TNRC6A: variants seen among roughly 807,000 people sequenced by gnomAD.
The protein encoded by TNRC6A is trinucleotide repeat containing adaptor 6A, also known as trinucleotide repeat-containing gene 6A protein.
A neutral mutation model predicts 221.2 loss-of-function variants in TNRC6A; 44 were observed. The observed-to-expected ratio is 0.20, with a 90% confidence interval of 0.16 to 0.26. The LOEUF is 0.26. Among genes scored for constraint, TNRC6A ranks in the 10% least tolerant of loss-of-function variants. TNRC6A has a pLI of 1.00. For synonymous variants in TNRC6A, 847 were observed against 838.5 expected, an observed-to-expected ratio of 1.01 and a Z score of -0.18; for missense variants, 2,199 against 2,404.4, an observed-to-expected ratio of 0.91 and a Z score of 1.79.
At chr16:24,656,483 AG>A (rs2054916683) in intron 2 of TNRC6A, among the ~76,000 whole-genome samples, 4 of 104,046 alleles carry the variant, frequency 3.8e-5, no homozygotes, top group African/African-American at 1.2e-4. Context: ...AAAAAAAAAG[AG>A]AGAGAGAGAG....
At chr16:24,620,740 A>G (rs1900622361) in intron 1 of TNRC6A, among the ~76,000 whole-genome samples, 1 of 151,922 alleles carries the variant, frequency 6.6e-6, no homozygotes, top group Admixed American at 6.6e-5. Context: ...CCGGGGAGGC[A>G]GATGTTGCAG....
chr16:24,804,109 T>C, intron 11 of TNRC6A, 68 bp from the exon 12 acceptor site: 1 of 1,495,334 alleles, frequency 6.7e-7, no homozygotes, highest in East Asian at 2.4e-5. Flanking sequence ...GTTTTGCTTT[T>C]GTTGTAAATT....
intron 1 of TNRC6A, among the ~76,000 whole-genome samples, chr16:24,630,507 A>AAAC (rs1481514619): frequency 1.3e-5 from 2 of 152,158 alleles, no homozygotes; most frequent in African/African-American, 4.8e-5. Context: ...CTACAAAAAC[A>AAAC]AACAACAACA....
At chr16:24,615,318 G>A (rs907894499) in intron 1 of TNRC6A, among the ~76,000 whole-genome samples, 9 of 152,150 alleles carry the variant, frequency 5.9e-5, no homozygotes, top group Non-Finnish European at 1.3e-4. Flanking sequence ...CAACCATTCC[G>A]TGCTGAGCCC....
At chr16:24,815,099 A>G in intron 18 of TNRC6A, 48 bp from the exon 19 acceptor site, 1 of 1,589,330 alleles carries the variant, frequency 6.3e-7, no homozygotes, top group Non-Finnish European at 8.6e-7. Context: ...TAAGAAATAA[A>G]TCTGTGTGTA....
intron 2 of TNRC6A, among the ~76,000 whole-genome samples, chr16:24,720,716 G>GAAAAAAAAAAAAA (rs984845041): frequency 8.2e-6 from 1 of 122,050 alleles, no homozygotes; most frequent in African/African-American, 3.0e-5. Context: ...AAGAAAGAAA[G>GAAAAAAAAAAAAA]AAAAAAAAAA....
chr16:24,680,181 C>A, intron 2 of TNRC6A, among the ~76,000 whole-genome samples: 1 of 151,840 alleles, frequency 6.6e-6, no homozygotes, highest in East Asian at 1.9e-4. Context: ...GTTACCCTAG[C>A]ACTTTGGGAG....
chr16:24,664,809 AC>A (rs1189220883), intron 2 of TNRC6A: 100 of 445,742 alleles, frequency 2.2e-4, no homozygotes, highest in African/African-American at 1.8e-3. Flanking sequence ...ACACACACAC[AC>A]ACAAAACCTA....
intron 3 of TNRC6A, among the ~76,000 whole-genome samples, chr16:24,751,960 T>C (rs2057146736): frequency 6.6e-6 from 1 of 152,206 alleles, no homozygotes; most frequent in Non-Finnish European, 1.5e-5. Flanking sequence ...TCAGAAATAC[T>C]TGGTAGCCTG....
Position 24,713,332 on chromosome 16 carries a change from T to G in TNRC6A, n.403-37394T>G, listed in dbSNP as rs544245190. 7.9e-5 allele frequency among the ~76,000 whole-genome samples: 12 copies of G among 152,078 alleles called. No individual in the cohort carries two copies. In the South Asian group the frequency reaches 2.5e-3, roughly 32 times the overall value. ...ACTCAGACAACTGAAGCACAAGAATTGCCTGAACCTGGGAGGCAGAGGTTG... is the reference window on the plus strand; with the variant it reads ...ACTCAGACAACTGAAGCACAAGAATGGCCTGAACCTGGGAGGCAGAGGTTG... On this transcript the variant is annotated intron_variant and non_coding_transcript_variant, in intron 2 of 2. Coordinates refer to the TNRC6A transcript ENST00000566108.
At chr16:24,677,233 G>A (rs1273415628) in intron 2 of TNRC6A, among the ~76,000 whole-genome samples, 1 of 150,510 alleles carries the variant, frequency 6.6e-6, no homozygotes, top group Non-Finnish European at 1.5e-5. Context: ...TGCAATCCCG[G>A]CTCACTGCAA....
chr16:24,632,115 T>G (rs930063069), intron 1 of TNRC6A, among the ~76,000 whole-genome samples: 1 of 152,162 alleles, frequency 6.6e-6, no homozygotes, highest in Non-Finnish European at 1.5e-5. Context: ...CCTCCCAAAG[T>G]GCTGGGATTA....
At chr16:24,703,277 A>T (rs1177562924) in intron 2 of TNRC6A, among the ~76,000 whole-genome samples, 1 of 152,184 alleles carries the variant, frequency 6.6e-6, no homozygotes. Context: ...GAGACATTTC[A>T]TATAAATGGA....
At chr16:24,632,363 C>T (rs981566903) in intron 1 of TNRC6A, among the ~76,000 whole-genome samples, 2 of 152,266 alleles carry the variant, frequency 1.3e-5, no homozygotes, top group South Asian at 4.1e-4. Context: ...TGAAGAAATT[C>T]CACCACCGTC....
chr16:24,675,153 A>G (rs1365381220), intron 2 of TNRC6A, among the ~76,000 whole-genome samples: 1 of 152,108 alleles, frequency 6.6e-6, no homozygotes, highest in African/African-American at 2.4e-5. Flanking sequence ...TCAAAAAACC[A>G]AAAACATTCT....
At chr16:24,675,702 C>CTCTCTCTA (rs1180245687) in intron 2 of TNRC6A, among the ~76,000 whole-genome samples, 43 of 33,254 alleles carry the variant, frequency 1.3e-3, no homozygotes, top group Non-Finnish European at 1.6e-3. Context: ...CTCTCTCTCT[C>CTCTCTCTA]TATATATATA....
At chr16:24,818,009 A>G (rs2058689067) in intron 20 of TNRC6A, among the ~76,000 whole-genome samples, 1 of 152,182 alleles carries the variant, frequency 6.6e-6, no homozygotes, top group Non-Finnish European at 1.5e-5. Flanking sequence ...AGCAGAGTGG[A>G]TTGGGTTGGG....
chr16:24,657,971 G>A (rs2054953234), intron 2 of TNRC6A, among the ~76,000 whole-genome samples: 1 of 152,034 alleles, frequency 6.6e-6, no homozygotes, highest in African/African-American at 2.4e-5. Context: ...ATATTCATAA[G>A]TGAGTTTTGT....
At chr16:24,749,137 G>A (rs775000432) in intron 2 of TNRC6A, among the ~76,000 whole-genome samples, 8 of 152,162 alleles carry the variant, frequency 5.3e-5, no homozygotes, top group Admixed American at 1.3e-4. Context: ...GGTTATTTTG[G>A]TTGTTGGTAT....
Sources: allele counts gnomAD v4.1 joint callset (sites outside exome capture counted in the v4.1 genomes callset), GRCh38; gene constraint gnomAD v4.1.1; transcripts MANE v1.5; gene names NCBI Gene and HGNC (gene_info 2026-07-23, HGNC 2026-07-21).